TMEM108: variants seen among roughly 807,000 people sequenced by gnomAD.
TMEM108 encodes the protein transmembrane protein 108.
In TMEM108, 12 loss-of-function variants were observed where a neutral mutation model predicts 35.1. That is an observed-to-expected ratio of 0.34 (90% confidence interval 0.22 to 0.55). TMEM108 has a LOEUF of 0.55. Among genes scored for constraint, TMEM108 ranks in the 20% least tolerant of loss-of-function variants. The pLI is 0.89. For synonymous variants in TMEM108, 287 were observed against 308.6 expected (o/e 0.93, Z 0.73); for missense variants, 680 against 753.3 (o/e 0.90, Z 1.14).
chr3:133,224,092 C>T (rs1946032190), intron 2 of TMEM108, among the ~76,000 whole-genome samples: 1 of 152,140 alleles, frequency 6.6e-6, no homozygotes, highest in African/African-American at 2.4e-5. Flanking sequence ...CTTATAATCC[C>T]CTTGATCAAT....
At chr3:133,286,154 A>G (rs552770919) in intron 3 of TMEM108, among the ~76,000 whole-genome samples, 2 of 152,334 alleles carry the variant, frequency 1.3e-5, no homozygotes, top group East Asian at 3.9e-4. Context: ...CATTACCTCC[A>G]GAGTGGAACC....
intron 3 of TMEM108, among the ~76,000 whole-genome samples, chr3:133,376,046 G>T (rs2072827627): frequency 6.6e-6 from 1 of 152,222 alleles, no homozygotes; most frequent in South Asian, 2.1e-4. Flanking sequence ...GTTCTAGAGA[G>T]AACAATAACT....
intron 2 of TMEM108, among the ~76,000 whole-genome samples, chr3:133,227,189 CTTTTTTTTTT>C (rs35518753): frequency 3.6e-5 from 3 of 83,494 alleles, no homozygotes; most frequent in African/African-American, 4.9e-5. Context: ...GAAGGCCTTT[CTTTTTTTTTT>C]TTTTTTTTTT....
chr3:133,265,158 G>A (rs1213918943), intron 3 of TMEM108, among the ~76,000 whole-genome samples: 1 of 152,208 alleles, frequency 6.6e-6, no homozygotes, highest in Non-Finnish European at 1.5e-5. Context: ...AGATGGATCC[G>A]ATTAGCATAG....
chr3:133,041,368 C>T (rs1438204952), intron 1 of TMEM108, among the ~76,000 whole-genome samples: 1 of 152,046 alleles, frequency 6.6e-6, no homozygotes, highest in Non-Finnish European at 1.5e-5. Context: ...GCTCATGTCA[C>T]CCCCCAGGGC....
chr3:133,138,558 C>G (rs982680058), intron 2 of TMEM108, among the ~76,000 whole-genome samples: 1 of 151,632 alleles, frequency 6.6e-6, no homozygotes, highest in Non-Finnish European at 1.5e-5. Context: ...TATGTGTGGC[C>G]CAAGATAATT....
At chr3:133,052,870 A>G (rs1311147982) in intron 2 of TMEM108, among the ~76,000 whole-genome samples, 2 of 152,150 alleles carry the variant, frequency 1.3e-5, no homozygotes, top group African/African-American at 4.8e-5. Flanking sequence ...GTCAATCAAG[A>G]TGTCCCCCTA....
In TMEM108 at chr3:133,164,142, C is replaced by G. The variant is rs541353583; in HGVS notation, c.-46-65124C>G. Among the ~76,000 whole-genome samples the G allele has an allele frequency of 1.9e-4, 29 of 152,330 alleles. No individual in the cohort carries two copies. The South Asian group carries it at 6.0e-3, about 32-fold the overall frequency. On this transcript the variant is annotated intron_variant, in intron 2 of 5. Coordinates refer to ENST00000321871, the MANE Select transcript of TMEM108 (RefSeq NM_023943.4). ...TATAGAATAGTTGTCACAACCATCTCTATGTGTCTGCCTTCACATGGACTA... is the reference window on the plus strand; with the variant it reads ...TATAGAATAGTTGTCACAACCATCTGTATGTGTCTGCCTTCACATGGACTA...
intron 2 of TMEM108, among the ~76,000 whole-genome samples, chr3:133,067,847 C>T (rs1943629236): frequency 6.6e-6 from 1 of 151,796 alleles, no homozygotes; most frequent in Non-Finnish European, 1.5e-5. Context: ...TTATAAGGAA[C>T]AGAAGTTTAC....
chr3:133,175,744 C>A (rs1210520663), intron 2 of TMEM108, among the ~76,000 whole-genome samples: 2 of 152,200 alleles, frequency 1.3e-5, no homozygotes, highest in African/African-American at 4.8e-5. Flanking sequence ...ACCATCAATG[C>A]TAGGAAGAAA....
chr3:133,338,378 A>T (rs552960079), intron 3 of TMEM108, among the ~76,000 whole-genome samples: 1 of 152,170 alleles, frequency 6.6e-6, no homozygotes, highest in Non-Finnish European at 1.5e-5. Flanking sequence ...TGGAAACCTT[A>T]CAGGCCAAGA....
At chr3:133,238,447 C>T (rs1262761667) in intron 3 of TMEM108, among the ~76,000 whole-genome samples, 1 of 152,192 alleles carries the variant, frequency 6.6e-6, no homozygotes, top group African/African-American at 2.4e-5. Context: ...AACAATCACA[C>T]ACTATCAATT....
chr3:133,101,119 G>A lies in TMEM108; in HGVS notation c.-47+55099G>A, dbSNP rs1294551839. 2.0e-5 allele frequency among the ~76,000 whole-genome samples: 3 copies of A among 152,174 alleles called. No individual in the cohort carries two copies. In the East Asian group the frequency reaches 5.8e-4, roughly 29 times the overall value. On this transcript the variant is annotated intron_variant, in intron 2 of 5. Coordinates refer to ENST00000321871, the MANE Select transcript of TMEM108 (RefSeq NM_023943.4). Reference sequence around the variant, plus strand: ...TTGCTTCTGTACATAATGGAGCAATGAAAAGAGCCTTGTATGTAAAAATGT... The same window carrying A: ...TTGCTTCTGTACATAATGGAGCAATAAAAAGAGCCTTGTATGTAAAAATGT...
At chr3:133,227,895 A>G (rs1026510950) in intron 2 of TMEM108, among the ~76,000 whole-genome samples, 3 of 150,894 alleles carry the variant, frequency 2.0e-5, no homozygotes, top group Non-Finnish European at 4.4e-5. Context: ...CTTCGTCTCA[A>G]AAAAAAACAT....
At chr3:133,263,478 A>G (rs945253177) in intron 3 of TMEM108, among the ~76,000 whole-genome samples, 12 of 152,206 alleles carry the variant, frequency 7.9e-5, no homozygotes, top group African/African-American at 2.2e-4. Context: ...ATTTTTCCCC[A>G]AATCTGTGAA....
At chr3:133,292,359 C>G (rs1404622479) in intron 3 of TMEM108, among the ~76,000 whole-genome samples, 1 of 152,168 alleles carries the variant, frequency 6.6e-6, no homozygotes, top group East Asian at 1.9e-4. Context: ...CCCTCCAGTT[C>G]CATTGTTTTT....
At chr3:133,358,843 G>A (rs984069545) in intron 3 of TMEM108, among the ~76,000 whole-genome samples, 5 of 152,004 alleles carry the variant, frequency 3.3e-5, no homozygotes, top group African/African-American at 4.8e-5. Context: ...AGATTAGTTG[G>A]GGTGGAGAAG....
At chr3:133,389,853 T>C (rs1343195932) in intron 4 of TMEM108, among the ~76,000 whole-genome samples, 1 of 152,156 alleles carries the variant, frequency 6.6e-6, no homozygotes, top group Non-Finnish European at 1.5e-5. Flanking sequence ...TAAATGAATA[T>C]TTCTATGTCC....
At chr3:133,296,877 A>G (rs973869114) in intron 3 of TMEM108, among the ~76,000 whole-genome samples, 3 of 152,210 alleles carry the variant, frequency 2.0e-5, no homozygotes, top group African/African-American at 7.2e-5. Flanking sequence ...ATCAGGTAGA[A>G]GGAAGAATAG....
Sources: gnomAD v4.1 joint callset for allele counts (sites outside exome capture counted in the v4.1 genomes callset) on GRCh38, gnomAD v4.1.1 for gene constraint, MANE v1.5 for transcripts, NCBI Gene and HGNC (gene_info 2026-07-23, HGNC 2026-07-21) for gene names.